The following ABTB2 variants were observed in gnomAD, a reference collection of about 807,000 sequenced individuals.
ABTB2 encodes the protein ankyrin repeat and BTB/POZ domain-containing protein 2.
In ABTB2, 56 loss-of-function variants were observed where a neutral mutation model predicts 104.1. That is an observed-to-expected ratio of 0.54 (90% CI 0.43 to 0.67). ABTB2 has a LOEUF of 0.67. Ranked by LOEUF, ABTB2 falls within the 30% of genes least tolerant of loss-of-function variation. ABTB2 has a pLI of 0.00. For synonymous variants in ABTB2, 606 were observed against 608.2 expected (o/e 1.00, Z 0.05); for missense variants, 1,279 against 1,407.7 (o/e 0.91, Z 1.46).
rs1392781684 is a variant in ABTB2, at chr11:34,151,625, ACAGCACCC to A, written c.*754_*761del. On this transcript the variant is annotated 3_prime_UTR_variant, in exon 17 of 17. Transcript: ENST00000435224. ...AAACAAGAGCTGAGGCCATTCCTACACAGCACCCCATCCCCTACCCCTTGCCCCTCCAT... is the reference window on the plus strand; with the variant it reads ...AAACAAGAGCTGAGGCCATTCCTACACATCCCCTACCCCTTGCCCCTCCAT... The A allele has an allele frequency of 6.6e-6, 1 of 152,282 alleles. No individual in the cohort carries two copies. Among genetic ancestry groups the A allele is most frequent in the Non-Finnish European group, 1.5e-5 (1 of 68,154 alleles). 9.4% of individuals were successfully genotyped at this position (152,282 alleles called of 1,614,324 possible).
chr11:34,188,033 C>T (rs1254441064), intron 3 of ABTB2, among the ~76,000 whole-genome samples: 1 of 152,198 alleles, frequency 6.6e-6, no homozygotes, highest in East Asian at 1.9e-4. Flanking sequence ...GCACAAACAC[C>T]TTATTCTCTG....
intron 7 of ABTB2, among the ~76,000 whole-genome samples, chr11:34,165,663 C>A (rs1418702566): frequency 2.0e-5 from 3 of 152,240 alleles, no homozygotes; most frequent in Non-Finnish European, 4.4e-5. Context: ...TCTGAGAACA[C>A]ATGTGGATGA....
intron 1 of ABTB2, among the ~76,000 whole-genome samples, chr11:34,236,772 C>T (rs552100844): frequency 5.3e-5 from 8 of 152,156 alleles, no homozygotes; most frequent in South Asian, 2.1e-4. Flanking sequence ...TCGCATCAGC[C>T]GCAAAGCTGC....
At chr11:34,234,890 C>T (rs1034129589) in intron 1 of ABTB2, among the ~76,000 whole-genome samples, 1 of 152,176 alleles carries the variant, frequency 6.6e-6, no homozygotes, top group South Asian at 2.1e-4. Context: ...CAGAGTCTCG[C>T]TCCTTCGCCC....
chr11:34,226,993 C>T (rs289983), intron 1 of ABTB2, among the ~76,000 whole-genome samples: 128,533 of 151,882 alleles, frequency 0.85, 54,501 homozygotes, highest in East Asian at 1. Flanking sequence ...ACCCAGGAGG[C>T]GGAAGTTGCA....
chr11:34,259,031 T>A (rs930576518), intron 1 of ABTB2, among the ~76,000 whole-genome samples: 1 of 152,236 alleles, frequency 6.6e-6, no homozygotes, highest in East Asian at 1.9e-4. Context: ...TGTGTGAGGA[T>A]TGAACATTTA....
intron 1 of ABTB2, among the ~76,000 whole-genome samples, chr11:34,336,814 C>G (rs758614364): frequency 2.0e-5 from 3 of 152,114 alleles, no homozygotes. Context: ...AACCCCCAAA[C>G]TGGTAATCAT....
At chr11:34,158,871 G>T (rs1414099533) in intron 14 of ABTB2, among the ~76,000 whole-genome samples, 1 of 152,234 alleles carries the variant, frequency 6.6e-6, no homozygotes, top group Non-Finnish European at 1.5e-5. Flanking sequence ...TTCCTAAACT[G>T]CACTGAGCAC....
chr11:34,357,047 G>T lies in ABTB2; in HGVS notation c.537C>A (p.Val179=). ...TCATGCTGTACAGGGACAGCGCCTT[G>T]ACGGCTGCCAGCGCGCAGCTCTCGG... ...ALAESCALAA[V]KALSLYSMSA... is the part of the protein sequence containing the mutation. The change falls in exon 1 of 17, where the codon GTC becomes GTA. Residue 179 remains valine, a synonymous_variant. Transcript: ENST00000435224. 1 of 1,532,168 alleles carries T rather than the reference G, an allele frequency of 6.5e-7. No homozygotes were observed. The allele number at this position is 1,532,168 out of a possible 1,614,324, so 94.9% of individuals were successfully genotyped here.
chr11:34,156,587 A>C (rs1394543225), intron 14 of ABTB2, among the ~76,000 whole-genome samples: 20 of 150,866 alleles, frequency 1.3e-4, no homozygotes, highest in Admixed American at 1.3e-3. Context: ...GCAGTGGCGC[A>C]ATCTCGGCTC....
chr11:34,234,191 C>T (rs1322268403), intron 1 of ABTB2, among the ~76,000 whole-genome samples: 2 of 152,130 alleles, frequency 1.3e-5, no homozygotes, highest in Non-Finnish European at 2.9e-5. Flanking sequence ...AAGAGCGTCT[C>T]CCTGGAGGAG....
At chr11:34,185,728 T>C (rs969645840) in intron 3 of ABTB2, among the ~76,000 whole-genome samples, 5 of 152,142 alleles carry the variant, frequency 3.3e-5, no homozygotes, top group Admixed American at 2.6e-4. Context: ...TGTAGTTAGA[T>C]TGGAAAAATA....
intron 1 of ABTB2, among the ~76,000 whole-genome samples, chr11:34,336,418 A>T (rs979763127): frequency 1.3e-5 from 2 of 152,172 alleles, no homozygotes; most frequent in Non-Finnish European, 2.9e-5. Flanking sequence ...AGGCAGGAGG[A>T]TTGCTTGAGG....
intron 14 of ABTB2, among the ~76,000 whole-genome samples, chr11:34,156,046 A>G (rs1303784109): frequency 6.6e-6 from 1 of 152,120 alleles, no homozygotes; most frequent in Non-Finnish European, 1.5e-5. Context: ...TTCTTTGCTA[A>G]GGGATGGCCT....
At chr11:34,226,176 T>G (rs906892250) in intron 1 of ABTB2, among the ~76,000 whole-genome samples, 10 of 136,298 alleles carry the variant, frequency 7.3e-5, no homozygotes, top group Admixed American at 5.7e-4. Flanking sequence ...CTCTCCAGCC[T>G]GGGTGAAAGA....
At chr11:34,279,695 A>G (rs1854426598) in intron 1 of ABTB2, among the ~76,000 whole-genome samples, 1 of 152,202 alleles carries the variant, frequency 6.6e-6, no homozygotes, top group Admixed American at 6.5e-5. Flanking sequence ...CCGACACATA[A>G]AGATCTAAAC....
At chr11:34,348,263 G>A (rs1855358193) in intron 1 of ABTB2, among the ~76,000 whole-genome samples, 1 of 152,170 alleles carries the variant, frequency 6.6e-6, no homozygotes, top group East Asian at 1.9e-4. Flanking sequence ...GTTAAGATGA[G>A]CTAGGGAGAA....
At chr11:34,248,133 C>T (rs1378989099) in intron 1 of ABTB2, among the ~76,000 whole-genome samples, 20 of 110,250 alleles carry the variant, frequency 1.8e-4, no homozygotes, top group South Asian at 8.8e-4. Flanking sequence ...CAGGGTCTTG[C>T]CCTGTCACCC....
chr11:34,237,710 G>A (rs1328135246), intron 1 of ABTB2, among the ~76,000 whole-genome samples: 1 of 152,156 alleles, frequency 6.6e-6, no homozygotes, highest in Non-Finnish European at 1.5e-5. Context: ...GCCTGACATG[G>A]TGAAACCCCA....
Sources: gnomAD v4.1 joint callset for allele counts (sites outside exome capture counted in the v4.1 genomes callset) on GRCh38, gnomAD v4.1.1 for gene constraint, MANE v1.5 for transcripts, NCBI Gene and HGNC (gene_info 2026-07-23, HGNC 2026-07-21) for gene names.